Variants in SMARCAD1 observed in about 807,000 individuals in gnomAD.
SMARCAD1 encodes the protein SNF2 related chromatin remodeling ATPase with DExD box 1.
Under a neutral mutation model 127.1 loss-of-function variants are expected in SMARCAD1, and 25 were observed. The observed-to-expected ratio is 0.20, with a 90% confidence interval of 0.14 to 0.27. The LOEUF is 0.27. Among genes scored for constraint, SMARCAD1 ranks in the 10% least tolerant of loss-of-function variants. The pLI, the probability that SMARCAD1 is intolerant of heterozygous loss-of-function variation, is 1.00. For missense variants in SMARCAD1, 807 were observed against 1,206.0 expected (o/e 0.67, Z 4.90); for synonymous variants, 400 against 396.9 (o/e 1.01, Z -0.09).
intron 19 of SMARCAD1, among the ~76,000 whole-genome samples, chr4:94,279,841 G>A (rs1753770178): frequency 6.6e-6 from 1 of 151,734 alleles, no homozygotes; most frequent in Non-Finnish European, 1.5e-5. Flanking sequence ...ATCTTTGGTT[G>A]AAAGCAACCC....
intron 2 of SMARCAD1, among the ~76,000 whole-genome samples, chr4:94,223,374 T>A (rs1053480462): frequency 6.6e-6 from 1 of 151,740 alleles, no homozygotes; most frequent in African/African-American, 2.4e-5. Context: ...GCGCCTGTAG[T>A]CTCAGCTACT....
At chr4:94,246,578 A>G (rs1019499275) in intron 6 of SMARCAD1, among the ~76,000 whole-genome samples, 2 of 152,100 alleles carry the variant, frequency 1.3e-5, no homozygotes, top group African/African-American at 2.4e-5. Flanking sequence ...AGTTTGCAAC[A>G]TGCTCCAGAC....
At chr4:94,210,392 A>G (rs947745949) in intron 2 of SMARCAD1, among the ~76,000 whole-genome samples, 1 of 152,374 alleles carries the variant, frequency 6.6e-6, no homozygotes, top group East Asian at 1.9e-4. Flanking sequence ...TAGATTTTAC[A>G]TTGTAAGTAT....
chr4:94,213,721 G>A (rs543885820), intron 2 of SMARCAD1, among the ~76,000 whole-genome samples: 1 of 152,268 alleles, frequency 6.6e-6, no homozygotes, highest in East Asian at 1.9e-4. Flanking sequence ...TAACTCAAAT[G>A]TTCCTTGCTT....
At chr4:94,222,954 ACT>A (rs958193463) in intron 2 of SMARCAD1, among the ~76,000 whole-genome samples, 12 of 151,858 alleles carry the variant, frequency 7.9e-5, no homozygotes, top group Non-Finnish European at 1.5e-5. Context: ...ACAGAGCAAG[ACT>A]CTGTCTCAAA....
chr4:94,276,960 A>G (rs1424272993), intron 15 of SMARCAD1, 62 bp from the exon 16 acceptor site: 1 of 1,566,990 alleles, frequency 6.4e-7, no homozygotes, highest in African/African-American at 1.4e-5. Flanking sequence ...ACTGGGGAGG[A>G]TAGACATGAA....
At chr4:94,270,606 C>A in intron 10 of SMARCAD1, 122 bp from the exon 11 acceptor site, 1 of 761,710 alleles carries the variant, frequency 1.3e-6, no homozygotes, top group South Asian at 1.5e-5. Context: ...GTGTACATAG[C>A]ATCTAACAGT....
chr4:94,268,796 AAAT>A (rs1375901035), intron 10 of SMARCAD1, among the ~76,000 whole-genome samples: 29 of 152,318 alleles, frequency 1.9e-4, no homozygotes, highest in Middle Eastern at 3.4e-3. Flanking sequence ...GGATTAAATG[AAAT>A]AATAATGTAT....
intron 6 of SMARCAD1, among the ~76,000 whole-genome samples, chr4:94,247,082 AT>A (rs1198977087): frequency 6.6e-6 from 1 of 150,822 alleles, no homozygotes; most frequent in Non-Finnish European, 1.5e-5. Flanking sequence ...GGTGGTGTCA[AT>A]ATCTGCAGTT....
intron 9 of SMARCAD1, among the ~76,000 whole-genome samples, chr4:94,262,498 C>T (rs1162608687): frequency 1.3e-5 from 2 of 152,178 alleles, no homozygotes; most frequent in Non-Finnish European, 2.9e-5. Context: ...ACATTACTCT[C>T]ATAGAGTTCT....
rs532986510 is a variant in SMARCAD1 at position 94,253,692 on chromosome 4, C to G, written c.1281+685C>G. 1.0e-4 allele frequency: 104 copies of G among 995,446 alleles called. No individual in the cohort carries two copies. In the African/African-American group the frequency reaches 1.7e-3, roughly 16 times the overall value. 61.7% of individuals were successfully genotyped at this position (995,446 alleles called of 1,614,324 possible). A position where few individuals can be genotyped will look rare whatever the true frequency, so the allele number is the denominator to read the frequency against. ...CACTGGTAAGTACACTTTGCATGAT[C>G]ATTTTCTGGAATTTGACTTTCTATA... On this transcript the variant is annotated intron_variant, in intron 9 of 23. Coordinates refer to ENST00000354268, the MANE Select transcript of SMARCAD1 (RefSeq NM_020159.5).
chr4:94,261,757 G>A (rs1045914739), intron 9 of SMARCAD1, among the ~76,000 whole-genome samples: 3 of 152,056 alleles, frequency 2.0e-5, no homozygotes, highest in Admixed American at 6.6e-5. Flanking sequence ...CCACAGGCAC[G>A]TGCCACCACA....
In SMARCAD1 at chr4:94,225,569, C is replaced by T. The variant is rs181582274; in HGVS notation, c.191-550C>T. 6.6e-5 allele frequency among the ~76,000 whole-genome samples: 10 copies of T among 152,240 alleles called. No individual in the cohort carries two copies. The East Asian group carries it at 1.7e-3, about 26-fold the overall frequency. On this transcript the variant is annotated intron_variant, in intron 2 of 23. Coordinates refer to ENST00000354268, the MANE Select transcript of SMARCAD1 (RefSeq NM_020159.5). ...CATTTTGAGGTATTGGTGATTGGGACTTAATGATGGGGAGGAGTACACAGT... is the reference window on the plus strand; with the variant it reads ...CATTTTGAGGTATTGGTGATTGGGATTTAATGATGGGGAGGAGTACACAGT...
At chr4:94,258,568 GTC>G (rs1386933632) in intron 9 of SMARCAD1, among the ~76,000 whole-genome samples, 1 of 152,078 alleles carries the variant, frequency 6.6e-6, no homozygotes, top group African/African-American at 2.4e-5. Context: ...GAATCCTTTT[GTC>G]TCTCTCATTT....
chr4:94,289,451 A>G (rs1755414117), intron 23 of SMARCAD1, 22 bp from the exon 24 acceptor site: 2 of 1,600,124 alleles, frequency 1.2e-6, no homozygotes, highest in Admixed American at 1.7e-5. Flanking sequence ...TAAAGCTTTT[A>G]ATGCTACTTT....
rs1753657370 is a variant in SMARCAD1, at chr4:94,278,943, A to G, written c.2311A>G (p.Met771Val). 2 of 1,614,044 alleles carry G rather than the reference A, an allele frequency of 1.2e-6. No individual in the cohort carries two copies. The highest frequency in any genetic ancestry group is 2.7e-5 in the African/African-American group (2 of 75,056). The change falls in exon 19 of 24, where the codon ATG (methionine) becomes GTG (valine). Residue 771 changes from methionine (M) to valine (V), a missense_variant. This residue lies in a region of SMARCAD1 where 99 missense variants were observed against 126.0 expected (regional missense o/e 0.79). Transcript: ENST00000354268. ...TTGAGTCACAGAAAAAAACACAGAAATGTGCAATGTCATGATGCAGTTGAG... is the reference window on the plus strand; with the variant it reads ...TTGAGTCACAGAAAAAAACACAGAAGTGTGCAATGTCATGATGCAGTTGAG... The part of the protein sequence containing the change: ...SINNLEKNTE[M>V]CNVMMQLRKM...
At position 94,208,462 on chromosome 4, in the gene SMARCAD1, C is replaced by T. The variant is rs946694105; in HGVS notation, c.68C>T (p.Ala23Val). 3 of 1,614,138 alleles carry T rather than the reference C, an allele frequency of 1.9e-6. No homozygotes were observed. Among genetic ancestry groups the T allele is most frequent in the Admixed American group, 1.7e-5 (1 of 60,024 alleles). ...KRNKIEEAPEATPQPSQPGPS... is the reference protein window; with the variant it reads ...KRNKIEEAPEVTPQPSQPGPS... ...AATAAGATTGAGGAAGCGCCCGAAG[C>T]AACCCCTCAACCTTCCCAGCCTGGC... Residue 23 changes from alanine (A) to valine (V), a missense_variant, in exon 2 of 24, where the codon GCA becomes GTA. Physicochemically the swap from Ala to Val is moderately conservative, Grantham distance 64. Coordinates refer to ENST00000354268, the MANE Select transcript of SMARCAD1 (RefSeq NM_020159.5).
intron 2 of SMARCAD1, among the ~76,000 whole-genome samples, chr4:94,221,518 C>A (rs1744127294): frequency 6.6e-6 from 1 of 152,104 alleles, no homozygotes; most frequent in South Asian, 2.1e-4. Flanking sequence ...CTTTGTGAGG[C>A]ATAATTTTTT....
At chr4:94,270,871 T>G in intron 11 of SMARCAD1, 53 bp downstream of exon 11, 2 of 1,529,716 alleles carry the variant, frequency 1.3e-6, no homozygotes, top group Non-Finnish European at 1.8e-6. Context: ...TTAAAAGGTA[T>G]TCTTGCTGTC....
Sources: gnomAD v4.1 joint callset for allele counts (sites outside exome capture counted in the v4.1 genomes callset) on GRCh38, gnomAD v4.1.1 for gene constraint, gnomAD v4.1.1 regional missense constraint, MANE v1.5 for transcripts, NCBI Gene and HGNC (gene_info 2026-07-23, HGNC 2026-07-21) for gene names.